Variants in NBEA observed in about 807,000 individuals in gnomAD.
NBEA encodes the protein neurobeachin, also known as lysosomal-trafficking regulator 2.
NBEA carries 44 observed loss-of-function variants against 343.4 expected under a neutral mutation model. The observed-to-expected ratio is 0.13, with a 90% CI of 0.10 to 0.16. The LOEUF (loss-of-function observed/expected upper bound fraction) is 0.16, where lower values mean the gene tolerates loss of function less well. Ranked by LOEUF, NBEA falls within the 10% of genes least tolerant of loss-of-function variation. The probability of loss-of-function intolerance (pLI) is 1.00; values close to 1 mark genes in which losing one functional copy is unlikely to be tolerated. For missense variants in NBEA, 2,555 were observed against 3,631.3 expected (o/e 0.70, Z 7.62); for synonymous variants, 1,175 against 1,238.7 (o/e 0.95, Z 1.08).
chr13:35,295,329 A>G (rs1292003365), intron 35 of NBEA, among the ~76,000 whole-genome samples: 1 of 151,756 alleles, frequency 6.6e-6, no homozygotes, highest in African/African-American at 2.4e-5. Context: ...ATCATTGACT[A>G]TAGATTCTGT....
chr13:35,347,632 AATG>A (rs1269040012), intron 36 of NBEA, among the ~76,000 whole-genome samples: 2 of 152,070 alleles, frequency 1.3e-5, no homozygotes, highest in African/African-American at 2.4e-5. Flanking sequence ...TGAAAAACAA[AATG>A]ATATTAGTTA....
intron 3 of NBEA, 63 bp downstream of exon 3, chr13:35,045,110 T>G: frequency 6.9e-7 from 1 of 1,443,960 alleles, no homozygotes; most frequent in Non-Finnish European, 9.5e-7. Context: ...TGTTCAAAAG[T>G]TTGTCTCTAG....
At chr13:35,188,942 T>C (rs1189677638) in intron 30 of NBEA, among the ~76,000 whole-genome samples, 1 of 147,598 alleles carries the variant, frequency 6.8e-6, no homozygotes, top group Non-Finnish European at 1.5e-5. Context: ...TTTTTTGAGA[T>C]GGAGTCTCAC....
rs371936371 is a variant in NBEA at position 35,454,785 on chromosome 13, G to C, written c.6448+2550G>C. Among the ~76,000 whole-genome samples, 144 of 152,136 alleles carry C rather than the reference G, an allele frequency of 9.5e-4. 2 individuals are homozygous for C. The East Asian group carries it at 0.018, about 19-fold the overall frequency. ...TGAGGCAGGAGAATGGCATGAACCC[G>C]GGAGGCAGAGCTCGCAGTGAGCCAA... On this transcript the variant is annotated intron_variant, in intron 40 of 58. Coordinates refer to ENST00000379939, the MANE Select transcript of NBEA (RefSeq NM_001385012.1).
At chr13:35,149,500 T>C (rs2068640124) in intron 18 of NBEA, among the ~76,000 whole-genome samples, 1 of 152,164 alleles carries the variant, frequency 6.6e-6, no homozygotes, top group Admixed American at 6.5e-5. Flanking sequence ...ATGATATATA[T>C]ACATAATGCA....
At chr13:35,020,919 T>G (rs985245399) in intron 1 of NBEA, among the ~76,000 whole-genome samples, 16 of 152,148 alleles carry the variant, frequency 1.1e-4, no homozygotes, top group African/African-American at 3.1e-4. Context: ...AAATTGTAGA[T>G]TTGTCTATTT....
chr13:35,069,751 G>T (rs192421488), intron 8 of NBEA, among the ~76,000 whole-genome samples, 157 bp from the exon 9 acceptor site: 24 of 152,220 alleles, frequency 1.6e-4, no homozygotes, highest in African/African-American at 5.5e-4. Flanking sequence ...TCATTGAATT[G>T]AAGTGACAAT....
chr13:35,173,650 A>G, intron 27 of NBEA, 56 bp downstream of exon 27: 7 of 1,541,468 alleles, frequency 4.5e-6, no homozygotes, highest in South Asian at 1.2e-5. Flanking sequence ...AATCTTTTTT[A>G]AGTTGATGAG....
intron 38 of NBEA, among the ~76,000 whole-genome samples, chr13:35,424,078 C>G (rs1443205212): frequency 6.6e-6 from 1 of 152,174 alleles, no homozygotes; most frequent in Non-Finnish European, 1.5e-5. Context: ...TCTAGATATA[C>G]AATCATGTCA....
chr13:35,331,351 G>T (rs182566868), intron 36 of NBEA, among the ~76,000 whole-genome samples: 1 of 151,930 alleles, frequency 6.6e-6, no homozygotes, highest in Non-Finnish European at 1.5e-5. Flanking sequence ...CCCCTAGTTT[G>T]TAGGAGATCT....
chr13:35,171,478 T>C (rs1244592518), intron 26 of NBEA, 26 bp downstream of exon 26: 2 of 1,575,040 alleles, frequency 1.3e-6, no homozygotes, highest in Non-Finnish European at 1.7e-6. Context: ...CAATAGTGCA[T>C]GTCAAATAAT....
intron 41 of NBEA, 25 bp from the exon 42 acceptor site, chr13:35,550,452 C>G (rs745369327): frequency 7.3e-7 from 1 of 1,366,376 alleles, no homozygotes; most frequent in South Asian, 1.2e-5. Flanking sequence ...TTGATTGACA[C>G]TTCCCTTTAA....
At chr13:35,467,985 G>A (rs936993082) in intron 40 of NBEA, among the ~76,000 whole-genome samples, 1 of 151,330 alleles carries the variant, frequency 6.6e-6, no homozygotes, top group Non-Finnish European at 1.5e-5. Context: ...TTTTCCATAC[G>A]TAGTCTTTGC....
chr13:35,517,669 G>A (rs760490705), intron 41 of NBEA, among the ~76,000 whole-genome samples: 3 of 152,072 alleles, frequency 2.0e-5, no homozygotes, highest in Non-Finnish European at 2.9e-5. Context: ...TTTAGTAAGA[G>A]GCTCGCCCCA....
chr13:35,056,167 T>C (rs762184412), intron 7 of NBEA, 38 bp downstream of exon 7: 7 of 1,535,206 alleles, frequency 4.6e-6, no homozygotes, highest in Non-Finnish European at 6.2e-6. Context: ...TTAATTTGTT[T>C]GGGAGTATGA....
At chr13:35,666,976 G>A (rs2085386038) in intron 56 of NBEA, among the ~76,000 whole-genome samples, 1 of 152,162 alleles carries the variant, frequency 6.6e-6, no homozygotes, top group Non-Finnish European at 1.5e-5. Context: ...AAATTTTGAT[G>A]CTACTTGAGA....
At chr13:35,505,070 T>C (rs2077024538) in intron 41 of NBEA, among the ~76,000 whole-genome samples, 1 of 152,012 alleles carries the variant, frequency 6.6e-6, no homozygotes, top group Non-Finnish European at 1.5e-5. Context: ...TTTTAAAGAA[T>C]GTGGGCAGAA....
chr13:35,651,742 A>T (rs1345725591), intron 52 of NBEA, 63 bp from the exon 53 acceptor site: 12 of 980,794 alleles, frequency 1.2e-5, no homozygotes, highest in Non-Finnish European at 1.9e-5. Flanking sequence ...AACACTACCC[A>T]TTAGGAAATC....
At chr13:35,414,372 C>A (rs1335047999) in intron 38 of NBEA, among the ~76,000 whole-genome samples, 3 of 151,810 alleles carry the variant, frequency 2.0e-5, no homozygotes, top group Non-Finnish European at 2.9e-5. Context: ...TAATGCTATC[C>A]CTCCTCCCTC....
Sources: gnomAD v4.1 joint callset for allele counts (sites outside exome capture counted in the v4.1 genomes callset) on GRCh38, gnomAD v4.1.1 for gene constraint, MANE v1.5 for transcripts, NCBI Gene and HGNC (gene_info 2026-07-23, HGNC 2026-07-21) for gene names.